SMARCC1: variants seen among roughly 807,000 people sequenced by gnomAD.
SMARCC1 encodes the protein SWI/SNF related BAF chromatin remodeling complex subunit C1, also known as SWI/SNF complex subunit SMARCC1.
In SMARCC1, 43 loss-of-function variants were observed where a neutral mutation model predicts 147.4. The observed-to-expected ratio is 0.29, with a 90% CI of 0.23 to 0.38. The LOEUF is 0.38. Ranked by LOEUF, SMARCC1 falls within the 10% of genes least tolerant of loss-of-function variation. The probability of loss-of-function intolerance (pLI) is 1.00; values close to 1 mark genes in which losing one functional copy is unlikely to be tolerated. For synonymous variants in SMARCC1, 495 were observed against 484.4 expected (o/e 1.02, Z -0.29); for missense variants, 1,119 against 1,381.1 (o/e 0.81, Z 3.01).
chr3:47,739,676 T>C (rs7612219), intron 3 of SMARCC1, among the ~76,000 whole-genome samples: 91,652 of 151,834 alleles, frequency 0.6, 28,999 homozygotes, highest in East Asian at 0.72. Flanking sequence ...TACCTAGCAT[T>C]AGGCAGTCTG....
At chr3:47,667,749 T>C (rs1379001979) in intron 19 of SMARCC1, among the ~76,000 whole-genome samples, 1 of 152,028 alleles carries the variant, frequency 6.6e-6, no homozygotes, top group African/African-American at 2.4e-5. Flanking sequence ...TGGTGGCGCG[T>C]GCCTGTAGTC....
At chr3:47,696,079 G>GAAAAA (rs2033848356) in intron 11 of SMARCC1, among the ~76,000 whole-genome samples, 1 of 11,114 alleles carries the variant, frequency 9.0e-5, no homozygotes, top group African/African-American at 4.2e-4. Flanking sequence ...AAAAAAAAAG[G>GAAAAA]GGGGGGGGGG....
intron 9 of SMARCC1, among the ~76,000 whole-genome samples, chr3:47,709,911 T>C (rs2034063875): frequency 6.6e-6 from 1 of 152,118 alleles, no homozygotes; most frequent in African/African-American, 2.4e-5. Context: ...GATTAAATGA[T>C]ATAAAATGTC....
In SMARCC1 at chr3:47,587,206, G is replaced by C. The variant is rs570203825; in HGVS notation, c.*1003C>G. ...CCCAGCCATCCTAACCAAGTTTCATGAGCTAAAATATTTAGCACTATCTAC... is the reference window on the plus strand; with the variant it reads ...CCCAGCCATCCTAACCAAGTTTCATCAGCTAAAATATTTAGCACTATCTAC... On this transcript the variant is annotated 3_prime_UTR_variant, in exon 28 of 28. Coordinates refer to ENST00000254480, the MANE Select transcript of SMARCC1 (RefSeq NM_003074.4). The C allele has an allele frequency of 6.6e-6, 1 of 152,532 alleles. No homozygotes were observed. The highest frequency in any genetic ancestry group is 1.5e-5 in the Non-Finnish European group (1 of 68,008). The allele number at this position is 152,532 out of a possible 1,614,324, so 9.4% of individuals were successfully genotyped here.
chr3:47,715,207 A>G (rs1365534576), intron 7 of SMARCC1, among the ~76,000 whole-genome samples: 3 of 152,144 alleles, frequency 2.0e-5, no homozygotes, highest in South Asian at 2.1e-4. Flanking sequence ...TTCAAATTTT[A>G]TATCAGCACT....
intron 26 of SMARCC1, chr3:47,603,266 A>T (rs922691189): frequency 6.6e-6 from 1 of 152,030 alleles, no homozygotes; most frequent in Non-Finnish European, 1.5e-5. Context: ...TACCAAAAAT[A>T]AAAAAATTAG....
chr3:47,605,657 C>A (rs570517325), intron 26 of SMARCC1, among the ~76,000 whole-genome samples: 1 of 152,204 alleles, frequency 6.6e-6, no homozygotes, highest in South Asian at 2.1e-4. Context: ...CTTGTGGTCC[C>A]AGCTACTCAA....
chr3:47,716,773 G>A (rs2034161106), intron 7 of SMARCC1, among the ~76,000 whole-genome samples: 2 of 152,188 alleles, frequency 1.3e-5, no homozygotes, highest in African/African-American at 4.8e-5. Context: ...CTACTGACTT[G>A]AAGCCTTTAG....
intron 19 of SMARCC1, chr3:47,663,867 C>T (rs1452505905): frequency 6.5e-7 from 1 of 1,533,612 alleles, no homozygotes; most frequent in Non-Finnish European, 9.0e-7. Flanking sequence ...TGGATCGCCG[C>T]CCAGGGTTTC....
At chr3:47,644,184 C>T (rs1333172867) in intron 21 of SMARCC1, among the ~76,000 whole-genome samples, 1 of 151,896 alleles carries the variant, frequency 6.6e-6, no homozygotes, top group East Asian at 1.9e-4. Context: ...TGTCTCTAAA[C>T]AAATAAAAAT....
At chr3:47,596,151 T>C (rs2032276710) in intron 26 of SMARCC1, among the ~76,000 whole-genome samples, 1 of 151,940 alleles carries the variant, frequency 6.6e-6, no homozygotes, top group Non-Finnish European at 1.5e-5. Context: ...GTCATGCATG[T>C]AGAACAAGGG....
chr3:47,681,086 A>AT (rs1381591122), intron 14 of SMARCC1, among the ~76,000 whole-genome samples: 5 of 152,154 alleles, frequency 3.3e-5, no homozygotes, highest in Non-Finnish European at 5.9e-5. Flanking sequence ...ACATTTTATT[A>AT]TTTTTTGGGA....
chr3:47,774,646 T>C (rs2034953760), intron 1 of SMARCC1, among the ~76,000 whole-genome samples: 2 of 152,056 alleles, frequency 1.3e-5, no homozygotes, highest in Non-Finnish European at 2.9e-5. Flanking sequence ...CTCGATCTCC[T>C]GACCTCGTGA....
chr3:47,667,706 G>A (rs1023242690), intron 19 of SMARCC1, among the ~76,000 whole-genome samples: 5 of 152,078 alleles, frequency 3.3e-5, no homozygotes, highest in Non-Finnish European at 2.9e-5. Flanking sequence ...GTGAAACCCC[G>A]TGTCTTCTGA....
At chr3:47,728,957 G>A in intron 6 of SMARCC1, 68 bp downstream of exon 6, 2 of 949,560 alleles carry the variant, frequency 2.1e-6, no homozygotes, top group Non-Finnish European at 3.3e-6. Flanking sequence ...AAGTCTTTGG[G>A]GGTATGACAT....
intron 19 of SMARCC1, among the ~76,000 whole-genome samples, chr3:47,665,079 C>T (rs1029790846): frequency 2.6e-5 from 4 of 152,040 alleles, no homozygotes; most frequent in African/African-American, 4.8e-5. Context: ...GGAATCCTCC[C>T]GCCTCAGCCT....
intron 5 of SMARCC1, among the ~76,000 whole-genome samples, chr3:47,733,821 G>A (rs575368954): frequency 7.0e-6 from 1 of 142,238 alleles, no homozygotes; most frequent in Non-Finnish European, 1.5e-5. Flanking sequence ...CCAAGATCAC[G>A]CCATGGCACT....
intron 6 of SMARCC1, among the ~76,000 whole-genome samples, chr3:47,722,360 C>T (rs1214578096): frequency 1.5e-5 from 2 of 132,486 alleles, no homozygotes; most frequent in Non-Finnish European, 3.1e-5. Flanking sequence ...TGCAATGGTG[C>T]GATCTCGGCT....
At chr3:47,615,606 T>A (rs1157027172) in intron 25 of SMARCC1, among the ~76,000 whole-genome samples, 1 of 152,218 alleles carries the variant, frequency 6.6e-6, no homozygotes, top group African/African-American at 2.4e-5. Flanking sequence ...CTTCCTTAAG[T>A]ACAGGGTCTG....
Sources: allele counts gnomAD v4.1 joint callset (sites outside exome capture counted in the v4.1 genomes callset), GRCh38; gene constraint gnomAD v4.1.1; transcripts MANE v1.5; gene names NCBI Gene and HGNC (gene_info 2026-07-23, HGNC 2026-07-21).